Variants in ITGA9 observed in about 807,000 individuals in gnomAD.
ITGA9 encodes integrin alpha-9.
Under a neutral mutation model 127.8 loss-of-function variants are expected in ITGA9, and 56 were observed. The observed-to-expected ratio is 0.44, with a 90% CI of 0.35 to 0.55. The LOEUF is 0.55. Among genes scored for constraint, ITGA9 ranks in the 20% least tolerant of loss-of-function variants. ITGA9 has a pLI of 0.00. For synonymous variants in ITGA9, 508 were observed against 514.5 expected, an observed-to-expected ratio of 0.99 and a Z score of 0.17; for missense variants, 1,196 against 1,347.1, an observed-to-expected ratio of 0.89 and a Z score of 1.76.
intron 15 of ITGA9, among the ~76,000 whole-genome samples, chr3:37,622,365 A>G (rs189261277): frequency 3.4e-4 from 52 of 152,106 alleles, no homozygotes; most frequent in Admixed American, 3.1e-3. Flanking sequence ...CTGGGATTAG[A>G]GGTGTGAGCC....
intron 19 of ITGA9, 23 bp from the exon 20 acceptor site, chr3:37,736,879 CAA>C (rs753011557): frequency 2.6e-6 from 4 of 1,540,072 alleles, no homozygotes; most frequent in Non-Finnish European, 2.7e-6. Flanking sequence ...CTGCTGATGC[CAA>C]ATACCACTTC....
chr3:37,564,151 A>G (rs1204177826), intron 15 of ITGA9, among the ~76,000 whole-genome samples: 1 of 152,228 alleles, frequency 6.6e-6, no homozygotes, highest in African/African-American at 2.4e-5. Context: ...TGACCACGGA[A>G]CACCATTTTT....
In ITGA9 at chr3:37,543,765, C is replaced by A. The variant is rs115414559; in HGVS notation, c.1689+1180C>A. Among the ~76,000 whole-genome samples the A allele has an allele frequency of 2.6e-3, 390 of 152,268 alleles. 2 individuals carry two copies. Among genetic ancestry groups the A allele is most frequent in the African/African-American group, 9.0e-3 (372 of 41,556 alleles). ...CTTCAGGGCTGTGTATAGAGAGATG[C>A]CCCACACACCCATGGCCCAGAGCCC... is the stretch of plus-strand genomic sequence containing the variant. On this transcript the variant is annotated intron_variant, in intron 15 of 27. Transcript: ENST00000264741.
intron 16 of ITGA9, among the ~76,000 whole-genome samples, chr3:37,651,403 G>A (rs1176787734): frequency 6.6e-6 from 1 of 152,188 alleles, no homozygotes; most frequent in African/African-American, 2.4e-5. Flanking sequence ...GCTGGTATTG[G>A]CTCTAAGCTG....
chr3:37,769,435 C>T lies in ITGA9; in HGVS notation c.2542-7957C>T, dbSNP rs563169376. On this transcript the variant is annotated intron_variant, in intron 23 of 27. Transcript: ENST00000264741. The stretch of plus-strand genomic sequence containing the variant: ...GTTAATCCACATGATCTAAATCATA[C>T]ATTCTCACACATTCTCCTACTTCAA... Among the ~76,000 whole-genome samples, 3 of 151,902 alleles carry T rather than the reference C, an allele frequency of 2.0e-5. No individual in the cohort carries two copies. In the South Asian group the frequency reaches 6.2e-4, roughly 32 times the overall value.
At chr3:37,519,730 A>T (rs760320177) in intron 11 of ITGA9, among the ~76,000 whole-genome samples, 11 of 152,248 alleles carry the variant, frequency 7.2e-5, no homozygotes, top group Non-Finnish European at 1.3e-4. Flanking sequence ...AAAATGGTCC[A>T]TGGTGGAGGG....
At chr3:37,453,067 C>G (rs986262353) in intron 1 of ITGA9, among the ~76,000 whole-genome samples, 1 of 148,444 alleles carries the variant, frequency 6.7e-6, no homozygotes, top group Non-Finnish European at 1.5e-5. Flanking sequence ...TCCCCAGGGG[C>G]AGGGTGTCTG....
intron 5 of ITGA9, among the ~76,000 whole-genome samples, chr3:37,497,592 T>C (rs1475711601): frequency 6.6e-6 from 1 of 152,234 alleles, no homozygotes; most frequent in African/African-American, 2.4e-5. Flanking sequence ...TGATAGAAAC[T>C]AACTACGTTA....
chr3:37,735,003 G>T (rs908213056), intron 19 of ITGA9, among the ~76,000 whole-genome samples: 1 of 152,200 alleles, frequency 6.6e-6, no homozygotes, highest in African/African-American at 2.4e-5. Context: ...CCCCGTATCC[G>T]CAGCCCAGCG....
chr3:37,519,105 C>G (rs62239512), intron 10 of ITGA9, among the ~76,000 whole-genome samples, 155 bp from the exon 11 acceptor site: 1 of 140,792 alleles, frequency 7.1e-6, no homozygotes, highest in Non-Finnish European at 1.5e-5. Context: ...TTTTTTTTTC[C>G]CGCTGAGGGA....
chr3:37,490,924 G>C (rs948365765), intron 4 of ITGA9, among the ~76,000 whole-genome samples: 1 of 145,716 alleles, frequency 6.9e-6, no homozygotes, highest in Admixed American at 6.9e-5. Context: ...TGACTTCTAA[G>C]TCCCCTTGTT....
chr3:37,474,715 G>C (rs197766), intron 3 of ITGA9, among the ~76,000 whole-genome samples: 2 of 152,034 alleles, frequency 1.3e-5, no homozygotes, highest in Admixed American at 1.3e-4. Context: ...TTATAAAAGC[G>C]TAAGCTCAAG....
chr3:37,746,986 C>T (rs2125535893), intron 22 of ITGA9, among the ~76,000 whole-genome samples: 1 of 152,264 alleles, frequency 6.6e-6, no homozygotes, highest in Non-Finnish European at 1.5e-5. Flanking sequence ...TTGCAGATTC[C>T]CTGGATTCTC....
chr3:37,693,319 G>T (rs1443158265), intron 18 of ITGA9, among the ~76,000 whole-genome samples: 1 of 152,172 alleles, frequency 6.6e-6, no homozygotes, highest in Non-Finnish European at 1.5e-5. Flanking sequence ...TGTTTCTAAG[G>T]AGTATAATTT....
At position 37,519,244 on chromosome 3, in the gene ITGA9, G is replaced by T. The variant is rs755333273; in HGVS notation, c.1142-16G>T. 7 of 1,608,210 alleles carry T rather than the reference G, an allele frequency of 4.4e-6. No individual in the cohort carries two copies. The highest frequency in any genetic ancestry group is 6.0e-6 in the Non-Finnish European group (7 of 1,175,052). ...TAATGTGGCTTTTTAACCCATAGCT[G>T]TTTTTTTACCCTCAGATGTGGCCAT... is the stretch of plus-strand genomic sequence containing the variant. On this transcript the variant is annotated splice_polypyrimidine_tract_variant and intron_variant, in intron 10 of 27. Coordinates refer to ENST00000264741, the MANE Select transcript of ITGA9 (RefSeq NM_002207.3).
At chr3:37,720,151 G>A (rs929645121) in intron 18 of ITGA9, among the ~76,000 whole-genome samples, 4 of 152,200 alleles carry the variant, frequency 2.6e-5, no homozygotes, top group African/African-American at 9.6e-5. Context: ...ACTTTGAGTA[G>A]CAAGACCTTG....
At chr3:37,736,196 A>AG (rs966473579) in intron 19 of ITGA9, among the ~76,000 whole-genome samples, 1 of 152,114 alleles carries the variant, frequency 6.6e-6, no homozygotes, top group Non-Finnish European at 1.5e-5. Context: ...ACCATCACAT[A>AG]GGGGGGTTAG....
intron 17 of ITGA9, among the ~76,000 whole-genome samples, chr3:37,668,617 G>A (rs1700607630): frequency 6.6e-6 from 1 of 152,102 alleles, no homozygotes; most frequent in Admixed American, 6.5e-5. Context: ...CACCCATCCC[G>A]GCACAGGCTT....
Position 37,784,995 on chromosome 3 carries a change from C to T in ITGA9, c.2806C>T (p.Gln936Ter). Reference sequence around the variant, plus strand: ...TCCACAGGACAGTTCGTCTGTCATCCAGTTCATGTCCCGCGCCAAGGTGAA... The same window carrying T: ...TCCACAGGACAGTTCGTCTGTCATCTAGTTCATGTCCCGCGCCAAGGTGAA... ...ILKKDSSSVIQFMSRAKVKVD... is the reference protein window; with the variant it reads ...ILKKDSSSVI The change falls in exon 26 of 28, where the codon CAG (glutamine) becomes TAG (stop). Residue 936 changes from glutamine (Q) to a stop codon, truncating the protein, a stop_gained. Coordinates refer to ENST00000264741, the MANE Select transcript of ITGA9 (RefSeq NM_002207.3). LOFTEE classifies it high-confidence loss of function. The T allele has an allele frequency of 1.2e-6, 2 of 1,613,958 alleles. No individual in the cohort carries two copies. The highest frequency in any genetic ancestry group is 1.7e-6 in the Non-Finnish European group (2 of 1,179,820).
Sources: allele counts gnomAD v4.1 joint callset (sites outside exome capture counted in the v4.1 genomes callset), GRCh38; gene constraint gnomAD v4.1.1; transcripts MANE v1.5; gene names NCBI Gene and HGNC (gene_info 2026-07-23, HGNC 2026-07-21).